Variants in RNF8 observed in about 807,000 individuals in gnomAD.
RNF8 encodes ring finger protein 8.
In RNF8, 8 loss-of-function variants were observed where a neutral mutation model predicts 59.3. That is an observed-to-expected ratio of 0.13 (90% CI 0.08 to 0.24). RNF8 has a LOEUF of 0.24. RNF8 is among the 10% of genes least tolerant of loss of function. RNF8 has a pLI of 1.00. For missense variants in RNF8, 406 were observed against 572.6 expected, an observed-to-expected ratio of 0.71 and a Z score of 2.97; for synonymous variants, 162 against 200.0, an observed-to-expected ratio of 0.81 and a Z score of 1.60.
At chr6:37,372,346 A>C (rs1157556705) in intron 4 of RNF8, among the ~76,000 whole-genome samples, 1 of 152,208 alleles carries the variant, frequency 6.6e-6, no homozygotes, top group Non-Finnish European at 1.5e-5. Context: ...ACAGTCATAC[A>C]GTATTGTAAG....
chr6:37,354,421 G>A (rs1185121548), intron 1 of RNF8, 146 bp downstream of exon 1: 3 of 679,724 alleles, frequency 4.4e-6, no homozygotes, highest in African/African-American at 1.8e-5. Flanking sequence ...TGTGGGGGGG[G>A]TGGATTCCTG....
chr6:37,370,701 C>CT (rs5875582), intron 3 of RNF8, among the ~76,000 whole-genome samples: 94,317 of 142,172 alleles, frequency 0.66, 32,174 homozygotes, highest in East Asian at 0.91. Context: ...CTCCTTCACA[C>CT]TTTTTTTTTT....
chr6:37,358,967 C>T lies in RNF8; in HGVS notation c.112-1479C>T, dbSNP rs370395526. Among the ~76,000 whole-genome samples, 78 of 152,044 alleles carry T rather than the reference C, an allele frequency of 5.1e-4. No individual in the cohort carries two copies. In the South Asian group the frequency reaches 0.014, roughly 28 times the overall value. On this transcript the variant is annotated intron_variant, in intron 1 of 7. Transcript: ENST00000373479. ...CAAAAATTAGTTGGGTGTGGTGGTGCGTGCCTGTAATCCCAGCTACGTGGA... is the reference window on the plus strand; with the variant it reads ...CAAAAATTAGTTGGGTGTGGTGGTGTGTGCCTGTAATCCCAGCTACGTGGA...
At chr6:37,369,326 C>T in intron 3 of RNF8, 108 bp downstream of exon 3, 2 of 1,303,044 alleles carry the variant, frequency 1.5e-6, no homozygotes, top group Non-Finnish European at 1.0e-6. Context: ...AAATTCTGAG[C>T]ACCAAAGACA....
chr6:37,374,401 C>G (rs1769928987), intron 4 of RNF8, among the ~76,000 whole-genome samples: 1 of 152,164 alleles, frequency 6.6e-6, no homozygotes, highest in Non-Finnish European at 1.5e-5. Flanking sequence ...AGGCCCTAGT[C>G]CATTTGGTGG....
intron 5 of RNF8, among the ~76,000 whole-genome samples, chr6:37,375,792 A>G (rs1221229434): frequency 6.6e-6 from 1 of 152,240 alleles, no homozygotes; most frequent in African/African-American, 2.4e-5. Flanking sequence ...CAGCCACTCA[A>G]ATATACCTCA....
At position 37,368,557 on chromosome 6, in the gene RNF8, A is replaced by G. The variant is rs1445239195; in HGVS notation, c.314A>G (p.Tyr105Cys). The stretch of plus-strand genomic sequence containing the variant: ...GTCTATTCCATTCATCAGGGAGACT[A>G]CATCCAACTTGGAGTGCCTCTGGAA... ...LRVYSIHQGD[Y>C]IQLGVPLENK... Residue 105 changes from tyrosine to cysteine, a missense_variant, in exon 3 of 8, where the codon TAC becomes TGC. Tyr to Cys is a radical substitution (Grantham distance 194). Coordinates refer to ENST00000373479, the MANE Select transcript of RNF8 (RefSeq NM_003958.4). 1 of 1,614,196 alleles carries G rather than the reference A, an allele frequency of 6.2e-7. No individual in the cohort carries two copies. Among genetic ancestry groups the G allele is most frequent in the South Asian group, 1.1e-5 (1 of 91,082 alleles).
At chr6:37,374,575 T>C (rs1356277732) in intron 4 of RNF8, 45 bp from the exon 5 acceptor site, 1 of 1,394,968 alleles carries the variant, frequency 7.2e-7, no homozygotes, top group Non-Finnish European at 1.0e-6. Context: ...AAAGGAAGGA[T>C]GCATTGTAGT....
At position 37,376,935 on chromosome 6, in the gene RNF8, G is replaced by A; in HGVS notation, c.1138G>A (p.Glu380Lys). 6.2e-7 allele frequency: 1 copy of A among 1,611,842 alleles called. No homozygotes were observed. Among genetic ancestry groups the A allele is most frequent in the South Asian group, 1.1e-5 (1 of 91,022 alleles). The change falls in exon 6 of 8, where the codon GAG (glutamate) becomes AAG (lysine). Residue 380 changes from glutamate (E) to lysine (K), a missense_variant. By Grantham distance (56) the Glu-to-Lys change is moderately conservative (BLOSUM62 1). Around this residue, in one of 3 missense-constraint regions of RNF8, gnomAD observed 285 missense variants for 342.0 expected, o/e 0.83. Transcript: ENST00000373479. ...ATTGTGTGTCTTGCAGGAAGAGAAG[G>A]AGAAGATGCAAGCACAGAAGGAAGA... Reference protein sequence around the residue: ...KELEQTKEEKEKMQAQKEEVL... With the variant: ...KELEQTKEEKKKMQAQKEEVL...
chr6:37,381,841 G>C (rs969735835), intron 7 of RNF8, among the ~76,000 whole-genome samples: 2 of 152,202 alleles, frequency 1.3e-5, no homozygotes, highest in South Asian at 4.1e-4. Context: ...GAGGCAGCAG[G>C]CTTGTCACAG....
chr6:37,377,813 C>T (rs2113828379), intron 6 of RNF8, among the ~76,000 whole-genome samples: 1 of 152,260 alleles, frequency 6.6e-6, no homozygotes. Flanking sequence ...GAATTTACGG[C>T]CCAAGTTGAA....
At position 37,354,236 on chromosome 6, in the gene RNF8, G is replaced by A; in HGVS notation, c.72G>A (p.Gly24=). ...GGRSWCLRRV[G]MSAGWLLLED... is the part of the protein sequence containing the mutation. ...GGAGCTGGTGCCTGCGGCGGGTGGG[G>A]ATGAGCGCCGGGTGGCTGCTGCTGG... The change falls in exon 1 of 8, where the codon GGG becomes GGA. Residue 24 remains glycine (G), a synonymous_variant. Transcript: ENST00000373479. 1 of 1,570,872 alleles carries A rather than the reference G, an allele frequency of 6.4e-7. No homozygotes were observed. Among genetic ancestry groups the A allele is most frequent in the African/African-American group, 1.3e-5 (1 of 74,074 alleles).
intron 6 of RNF8, among the ~76,000 whole-genome samples, chr6:37,380,880 A>G (rs1384533683): frequency 6.6e-6 from 1 of 151,922 alleles, no homozygotes; most frequent in African/African-American, 2.4e-5. Flanking sequence ...ACGAGGTTTT[A>G]CCATGTTGCC....
chr6:37,392,521 A>T lies in RNF8; in HGVS notation c.*1763A>T. On this transcript the variant is annotated 3_prime_UTR_variant, in exon 8 of 8. Transcript: ENST00000373479. ...TTCTTCCAGAGATCTCTGTCTATAC[A>T]AGCAAAAACACATGTGGTCTTTTTC... 2.5e-6 allele frequency: 1 copy of T among 398,658 alleles called. No individual in the cohort carries two copies. Among genetic ancestry groups the T allele is most frequent in the East Asian group, 3.6e-5 (1 of 28,068 alleles). 24.7% of individuals were successfully genotyped at this position (398,658 alleles called of 1,614,324 possible).
In RNF8 at chr6:37,391,600, T is replaced by G. The variant is rs1335025846; in HGVS notation, c.*842T>G. On this transcript the variant is annotated 3_prime_UTR_variant, in exon 8 of 8. Transcript: ENST00000373479. ...AACTTGATGTGCTTTTTTCTTTATT[T>G]TTCTTTTACATTAGAAGTTTTCTCT... 6.6e-6 allele frequency: 1 copy of G among 152,196 alleles called. No homozygotes were observed. The highest frequency in any genetic ancestry group is 2.4e-5 in the African/African-American group (1 of 41,456). The allele number at this position is 152,196 out of a possible 1,614,324, so 9.4% of individuals were successfully genotyped here. A position where few individuals can be genotyped will look rare whatever the true frequency, so the allele number is the denominator to read the frequency against.
chr6:37,362,744 G>A (rs538273348), intron 2 of RNF8, among the ~76,000 whole-genome samples: 1 of 152,334 alleles, frequency 6.6e-6, no homozygotes, highest in African/African-American at 2.4e-5. Flanking sequence ...TTTTTCAAGA[G>A]ATAGGTGTTT....
chr6:37,377,824 T>C (rs533674077), intron 6 of RNF8, among the ~76,000 whole-genome samples: 6 of 152,232 alleles, frequency 3.9e-5, no homozygotes, highest in Non-Finnish European at 8.8e-5. Context: ...CCAAGTTGAA[T>C]ATATTTCAGG....
intron 7 of RNF8, among the ~76,000 whole-genome samples, chr6:37,388,098 T>C (rs1770585326): frequency 6.6e-6 from 1 of 152,128 alleles, no homozygotes; most frequent in Non-Finnish European, 1.5e-5. Flanking sequence ...GACGACATGG[T>C]GCTGGGAACA....
rs185459158 is a variant in RNF8, at chr6:37,375,983, G to T, written c.1129-943G>T. On this transcript the variant is annotated intron_variant, in intron 5 of 7. Coordinates refer to ENST00000373479, the MANE Select transcript of RNF8 (RefSeq NM_003958.4). ...GGTACTGCAGGCCTCTGCAGGAGTG[G>T]GAAGTGGCAGGTATCATAGAGCATG... Among the ~76,000 whole-genome samples, 451 of 152,314 alleles carry T rather than the reference G, an allele frequency of 3.0e-3. 4 individuals carry two copies. The highest frequency in any genetic ancestry group is 0.01 in the African/African-American group (433 of 41,568).
Sources: gnomAD v4.1 joint callset for allele counts (sites outside exome capture counted in the v4.1 genomes callset) on GRCh38, gnomAD v4.1.1 for gene constraint, gnomAD v4.1.1 regional missense constraint, MANE v1.5 for transcripts, NCBI Gene and HGNC (gene_info 2026-07-23, HGNC 2026-07-21) for gene names.